RBFOX1: variants seen among roughly 807,000 people sequenced by gnomAD.
RBFOX1 encodes RNA binding protein fox-1 homolog 1.
Under a neutral mutation model 57.7 loss-of-function variants are expected in RBFOX1, and 8 were observed. The observed-to-expected ratio is 0.14, with a 90% confidence interval of 0.08 to 0.25. The LOEUF is 0.25. Ranked by LOEUF, RBFOX1 falls within the 10% of genes least tolerant of loss-of-function variation. The probability of loss-of-function intolerance (pLI) is 1.00; values close to 1 mark genes in which losing one functional copy is unlikely to be tolerated. For missense variants in RBFOX1, 611 were observed against 548.5 expected (o/e 1.11, Z -1.14); for synonymous variants, 326 against 222.4 (o/e 1.47, Z -4.15).
At chr16:6,062,293 C>A (rs962123364) in intron 1 of RBFOX1, among the ~76,000 whole-genome samples, 5 of 151,684 alleles carry the variant, frequency 3.3e-5, no homozygotes, top group African/African-American at 1.2e-4. Flanking sequence ...CATCTTTAGC[C>A]CCCCTGCCCT....
chr16:7,632,876 T>C (rs901471988), intron 11 of RBFOX1, among the ~76,000 whole-genome samples: 1 of 151,878 alleles, frequency 6.6e-6, no homozygotes, highest in African/African-American at 2.4e-5. Flanking sequence ...TATTTCAATT[T>C]TCTTTACAGA....
intron 1 of RBFOX1, among the ~76,000 whole-genome samples, chr16:6,195,516 G>A (rs555750728): frequency 1.3e-5 from 2 of 152,184 alleles, no homozygotes; most frequent in East Asian, 1.9e-4. Context: ...TCGGGATTTC[G>A]AGACCAGCCT....
intron 2 of RBFOX1, among the ~76,000 whole-genome samples, chr16:6,620,478 A>G (rs978146393): frequency 6.6e-6 from 1 of 152,326 alleles, no homozygotes; most frequent in African/African-American, 2.4e-5. Flanking sequence ...CTAGCAGAAG[A>G]CAGGAAATAA....
chr16:6,645,977 G>T (rs1252551172), intron 2 of RBFOX1, among the ~76,000 whole-genome samples: 1 of 152,136 alleles, frequency 6.6e-6, no homozygotes, highest in Admixed American at 6.5e-5. Context: ...AATCCCATCT[G>T]TCGCCAGCAA....
intron 1 of RBFOX1, among the ~76,000 whole-genome samples, chr16:5,355,469 C>A (rs754686983): frequency 3.3e-5 from 5 of 152,142 alleles, no homozygotes; most frequent in Non-Finnish European, 7.4e-5. Flanking sequence ...TCAGGAGGCA[C>A]CTTTGCTGGC....
chr16:7,638,147 G>A (rs1391223409), intron 11 of RBFOX1, among the ~76,000 whole-genome samples: 1 of 152,142 alleles, frequency 6.6e-6, no homozygotes, highest in Non-Finnish European at 1.5e-5. Context: ...GTGAACGCCT[G>A]TTAACCTAGT....
chr16:6,167,569 G>C (rs2096927149), intron 1 of RBFOX1, among the ~76,000 whole-genome samples: 2 of 152,160 alleles, frequency 1.3e-5, no homozygotes, highest in South Asian at 4.1e-4. Context: ...AACACAGTCA[G>C]TACTGCCTCT....
chr16:7,581,462 C>T (rs1392227731), intron 6 of RBFOX1, among the ~76,000 whole-genome samples: 1 of 152,146 alleles, frequency 6.6e-6, no homozygotes, highest in African/African-American at 2.4e-5. Context: ...CATCAAGTGT[C>T]ACTGTGATGT....
intron 3 of RBFOX1, among the ~76,000 whole-genome samples, chr16:6,709,705 T>C (rs2063387973): frequency 6.6e-6 from 1 of 152,170 alleles, no homozygotes; most frequent in South Asian, 2.1e-4. Flanking sequence ...AATTACAGTG[T>C]TGCGGGTTTC....
intron 3 of RBFOX1, among the ~76,000 whole-genome samples, chr16:6,992,546 C>G (rs894585596): frequency 3.3e-5 from 5 of 152,060 alleles, no homozygotes; most frequent in African/African-American, 9.7e-5. Flanking sequence ...TTCATCCCTT[C>G]CAAGGTCAGC....
chr16:5,675,395 AAG>A (rs2050135593), intron 3 of RBFOX1, among the ~76,000 whole-genome samples: 1 of 152,154 alleles, frequency 6.6e-6, no homozygotes, highest in Non-Finnish European at 1.5e-5. Context: ...GGTGCTTGAA[AAG>A]AGAGAAGCAT....
chr16:7,292,686 T>C (rs2095816086), intron 4 of RBFOX1, among the ~76,000 whole-genome samples: 1 of 151,798 alleles, frequency 6.6e-6, no homozygotes, highest in Admixed American at 6.6e-5. Flanking sequence ...CTACAATACA[T>C]GTGCATTAAA....
intron 4 of RBFOX1, among the ~76,000 whole-genome samples, chr16:7,116,260 C>T (rs1315707554): frequency 6.6e-6 from 1 of 152,168 alleles, no homozygotes; most frequent in East Asian, 1.9e-4. Flanking sequence ...GTAAACCAAT[C>T]AAATCCTGGC....
intron 3 of RBFOX1, among the ~76,000 whole-genome samples, chr16:5,747,377 A>G (rs1252893414): frequency 5.3e-5 from 8 of 152,184 alleles, no homozygotes; most frequent in Admixed American, 3.9e-4. Flanking sequence ...AGGCTTTGGT[A>G]TCAGGATGAC....
intron 4 of RBFOX1, among the ~76,000 whole-genome samples, chr16:5,989,370 C>G (rs926583584): frequency 6.6e-6 from 1 of 151,922 alleles, no homozygotes; most frequent in Non-Finnish European, 1.5e-5. Context: ...CCCCAAAAAA[C>G]TTAATTACAG....
At chr16:6,988,134 A>T (rs575205016) in intron 3 of RBFOX1, among the ~76,000 whole-genome samples, 1 of 152,342 alleles carries the variant, frequency 6.6e-6, no homozygotes, top group Admixed American at 6.5e-5. Flanking sequence ...AGGAATACAT[A>T]AAAAAGAAAA....
At chr16:5,610,111 A>C (rs912782072) in intron 3 of RBFOX1, among the ~76,000 whole-genome samples, 2 of 152,034 alleles carry the variant, frequency 1.3e-5, no homozygotes, top group Admixed American at 1.3e-4. Flanking sequence ...ACCTCCTGCC[A>C]CTGGGAGGGC....
intron 3 of RBFOX1, among the ~76,000 whole-genome samples, chr16:7,040,930 G>A (rs1028384088): frequency 2.5e-4 from 4 of 16,262 alleles, no homozygotes; most frequent in Admixed American, 1.0e-3. Flanking sequence ...TTTTTTGCTG[G>A]GGGGGGAAGG....
intron 1 of RBFOX1, among the ~76,000 whole-genome samples, chr16:5,415,334 T>C (rs2067133337): frequency 6.6e-6 from 1 of 152,122 alleles, no homozygotes; most frequent in African/African-American, 2.4e-5. Flanking sequence ...TGGTGAGAAC[T>C]CCCTTGCTAT....
Sources: allele counts gnomAD v4.1 joint callset (sites outside exome capture counted in the v4.1 genomes callset), GRCh38; gene constraint gnomAD v4.1.1; transcripts MANE v1.5; gene names NCBI Gene and HGNC (gene_info 2026-07-23, HGNC 2026-07-21).